Variants in SLC35D1 observed in about 807,000 individuals in gnomAD.
SLC35D1 encodes solute carrier family 35 member D1.
In SLC35D1, 31 loss-of-function variants were observed where a neutral mutation model predicts 46.7. The observed-to-expected ratio is 0.66, with a 90% CI of 0.50 to 0.90. SLC35D1 has a LOEUF of 0.90. Ranked by LOEUF, SLC35D1 falls within the 40% of genes least tolerant of loss-of-function variation. The pLI is 0.00. For missense variants in SLC35D1, 397 were observed against 426.2 expected (o/e 0.93, Z 0.60); for synonymous variants, 195 against 164.6 (o/e 1.18, Z -1.41).
chr1:67,044,548 C>T (rs1001047473), intron 7 of SLC35D1, among the ~76,000 whole-genome samples: 1 of 152,120 alleles, frequency 6.6e-6, no homozygotes, highest in African/African-American at 2.4e-5. Flanking sequence ...TAAGTGTGCA[C>T]ACACATACAC....
At chr1:67,012,544 T>TAAAAAAAAAAAAAAAAAAAAAA (rs1667587883) in intron 10 of SLC35D1, among the ~76,000 whole-genome samples, 1 of 13,210 alleles carries the variant, frequency 7.6e-5, no homozygotes, top group Non-Finnish European at 1.7e-4. Flanking sequence ...GACTCCTAAA[T>TAAAAAAAAAAAAAAAAAAAAAA]CAAAAAAAAA....
At chr1:66,989,199 C>CTATT in the SLC35D1 span, among the ~76,000 whole-genome samples, 76 of 152,262 alleles carry the variant, frequency 5.0e-4, no homozygotes, top group East Asian at 0.011. Context: ...ATGAGCACTA[C>CTATT]TATTTATTAG....
chr1:67,039,152 G>A (rs982488226), intron 8 of SLC35D1, among the ~76,000 whole-genome samples: 1 of 152,078 alleles, frequency 6.6e-6, no homozygotes, highest in African/African-American at 2.4e-5. Context: ...GAGACTTTCA[G>A]AATAATTTGC....
At chr1:66,997,000 A>T (rs1292701582), downstream of SLC35D1, among the ~76,000 whole-genome samples, 3 of 152,214 alleles carry the variant, frequency 2.0e-5, no homozygotes, top group Admixed American at 1.3e-4. Flanking sequence ...CTCAAAATGT[A>T]TTCAAGATCT....
At chr1:66,981,087 T>TTAGA in the SLC35D1 span, among the ~76,000 whole-genome samples, 67,366 of 151,652 alleles carry the variant, frequency 0.44, 18,178 homozygotes, top group African/African-American at 0.77. Context: ...ACCATGTGTG[T>TTAGA]TAGACATATG....
In SLC35D1 at chr1:67,053,988, T is replaced by C; in HGVS notation, c.26A>G (p.His9Arg). ...GGGGGCTTCTCCTTTAACCCGAGCA[T>C]GCTGACGTCTATGAACTTCCGCCAT... MAEVHRRQ[H>R]ARVKGEAPAK... is the part of the protein sequence containing the mutation. Residue 9 changes from histidine to arginine, a missense_variant, in exon 1 of 12, where the codon CAT (histidine) becomes CGT (arginine). By Grantham distance (29) the His-to-Arg change is conservative. Coordinates refer to ENST00000235345, the MANE Select transcript of SLC35D1 (RefSeq NM_015139.3). 1 of 1,612,778 alleles carries C rather than the reference T, an allele frequency of 6.2e-7. No homozygotes were observed. The highest frequency in any genetic ancestry group is 8.5e-7 in the Non-Finnish European group (1 of 1,179,312).
the SLC35D1 span, chr1:66,984,465 T>C: frequency 3.7e-6 from 3 of 815,508 alleles, no homozygotes; most frequent in Non-Finnish European, 5.8e-6. Context: ...AGACTATGTA[T>C]TTGATACCTT....
the SLC35D1 span, chr1:66,988,225 T>A: frequency 6.6e-6 from 1 of 152,314 alleles, no homozygotes; most frequent in Non-Finnish European, 1.5e-5. Context: ...AACAGGAGTT[T>A]CCAAATTTTA....
chr1:66,985,978 A>G, the SLC35D1 span: 1 of 986,350 alleles, frequency 1.0e-6, no homozygotes, highest in South Asian at 4.7e-5. Context: ...TAAGTGCTTA[A>G]ATATATCATG....
the SLC35D1 span, among the ~76,000 whole-genome samples, chr1:66,990,311 G>A: frequency 6.6e-6 from 1 of 152,162 alleles, no homozygotes; most frequent in Non-Finnish European, 1.5e-5. Flanking sequence ...GTCTTGCTCT[G>A]TTGCCCATGC....
At chr1:67,051,071 G>A (rs1645303518) in intron 4 of SLC35D1, among the ~76,000 whole-genome samples, 1 of 150,648 alleles carries the variant, frequency 6.6e-6, no homozygotes, top group Non-Finnish European at 1.5e-5. Context: ...GGATGAGATG[G>A]ATGAAAAAAA....
At chr1:67,050,619 AAATT>A (rs1460032759) in intron 4 of SLC35D1, 115 bp from the exon 5 acceptor site, 2 of 852,746 alleles carry the variant, frequency 2.3e-6, no homozygotes, top group Non-Finnish European at 3.8e-6. Flanking sequence ...AATTCCATAC[AAATT>A]AATTTATGGT....
chr1:67,002,121 TGACA>T lies in SLC35D1; in HGVS notation c.*2215_*2218del, dbSNP rs757623173. The T allele has an allele frequency of 3.9e-5, 6 of 152,376 alleles. No individual in the cohort carries two copies. The highest frequency in any genetic ancestry group is 7.3e-5 in the Non-Finnish European group (5 of 68,050). The allele number at this position is 152,376 out of a possible 1,614,324, so 9.4% of individuals were successfully genotyped here. On this transcript the variant is annotated 3_prime_UTR_variant, in exon 12 of 12. Coordinates refer to ENST00000235345, the MANE Select transcript of SLC35D1 (RefSeq NM_015139.3). ...TTCAAACGTCCCTCCTTCATGTTGC[TGACA>T]GAAAGAACAGAATCACTAAAAATAG...
downstream of SLC35D1, among the ~76,000 whole-genome samples, chr1:66,996,880 AAC>A (rs1667244514): frequency 6.6e-6 from 1 of 152,230 alleles, no homozygotes; most frequent in Non-Finnish European, 1.5e-5. Context: ...AGTTGATTAA[AAC>A]ACATGTGTTA....
chr1:66,983,334 A>G, the SLC35D1 span, among the ~76,000 whole-genome samples: 1 of 152,200 alleles, frequency 6.6e-6, no homozygotes, highest in Non-Finnish European at 1.5e-5. Context: ...CATAATCCCC[A>G]TGTGCATTCA....
chr1:66,975,591 C>T, the SLC35D1 span, among the ~76,000 whole-genome samples: 3 of 151,784 alleles, frequency 2.0e-5, no homozygotes, highest in Non-Finnish European at 4.4e-5. Context: ...AGCCCTAAAT[C>T]CTCAGTATTT....
At chr1:67,031,135 C>CTGA (rs1025492330) in intron 8 of SLC35D1, among the ~76,000 whole-genome samples, 65 of 152,298 alleles carry the variant, frequency 4.3e-4, no homozygotes, top group Admixed American at 2.4e-3. Flanking sequence ...AAATAAATCT[C>CTGA]ATGGATATGG....
downstream of SLC35D1, among the ~76,000 whole-genome samples, chr1:66,996,434 C>T (rs1193486419): frequency 6.6e-6 from 1 of 152,186 alleles, no homozygotes; most frequent in African/African-American, 2.4e-5. Context: ...GAAACGAGAA[C>T]CTAGCATGGT....
chr1:67,015,497 C>T (rs1205779085), intron 10 of SLC35D1, among the ~76,000 whole-genome samples: 1 of 115,584 alleles, frequency 8.7e-6, no homozygotes, highest in African/African-American at 2.6e-5. Flanking sequence ...TCAAGCAATT[C>T]TTCTGCCTCA....
Sources: allele counts gnomAD v4.1 joint callset (sites outside exome capture counted in the v4.1 genomes callset), GRCh38; gene constraint gnomAD v4.1.1; transcripts MANE v1.5; gene names NCBI Gene and HGNC (gene_info 2026-07-23, HGNC 2026-07-21).